The following HTT variants were observed in gnomAD, a reference collection of about 807,000 sequenced individuals.
HTT encodes the protein huntingtin, also known as huntington disease protein.
HTT carries 104 observed loss-of-function variants against 362.3 expected under a neutral mutation model. That is an observed-to-expected ratio of 0.29 (90% CI 0.24 to 0.34). The LOEUF (loss-of-function observed/expected upper bound fraction) is 0.34. Among genes scored for constraint, HTT ranks in the 10% least tolerant of loss-of-function variants. The pLI is 1.00. For synonymous variants in HTT, 1,577 were observed against 1,548.7 expected, an observed-to-expected ratio of 1.02 and a Z score of -0.43; for missense variants, 3,301 against 3,928.6, an observed-to-expected ratio of 0.84 and a Z score of 4.27.
intron 1 of HTT, among the ~76,000 whole-genome samples, chr4:3,078,694 G>A (rs1409018475): frequency 6.6e-6 from 1 of 151,538 alleles, no homozygotes; most frequent in Non-Finnish European, 1.5e-5. Flanking sequence ...TCAGCCTCCT[G>A]TTTAGCTGGG....
At chr4:3,096,426 A>G (rs1020480758) in intron 2 of HTT, among the ~76,000 whole-genome samples, 3 of 152,260 alleles carry the variant, frequency 2.0e-5, no homozygotes, top group African/African-American at 7.2e-5. Flanking sequence ...ACACTCTCTC[A>G]AGTGCTCACA....
intron 18 of HTT, 96 bp downstream of exon 18, chr4:3,133,007 C>T (rs1715896070): frequency 3.3e-6 from 3 of 922,518 alleles, no homozygotes; most frequent in Non-Finnish European, 5.4e-6. Context: ...TATTTCCATG[C>T]ACTCTAAAGC....
intron 51 of HTT, among the ~76,000 whole-genome samples, chr4:3,216,324 G>C (rs937822351): frequency 6.6e-6 from 1 of 152,116 alleles, no homozygotes; most frequent in African/African-American, 2.4e-5. Flanking sequence ...ATGATTTCTT[G>C]TTGCTACCTA....
Position 3,115,346 on chromosome 4 carries a change from C to T in HTT, c.790C>T (p.Pro264Ser), listed in dbSNP as rs1714964151. Residue 264 changes from proline (P) to serine (S), a missense_variant, in exon 7 of 67, where the codon CCC becomes TCC. Around this residue, in one of 4 missense-constraint regions of HTT, gnomAD observed 2,316 missense variants for 2,658.5 expected, o/e 0.87. Coordinates refer to ENST00000355072, the MANE Select transcript of HTT (RefSeq NM_001388492.1). ...AFIANLKSSSPTIRRTAAGSA... is the reference protein window; with the variant it reads ...AFIANLKSSSSTIRRTAAGSA... Reference sequence around the variant, plus strand: ...CATAGCGAACCTGAAGTCAAGCTCCCCCACCATTCGGCGGACAGCGGCTGG... The same window carrying T: ...CATAGCGAACCTGAAGTCAAGCTCCTCCACCATTCGGCGGACAGCGGCTGG... 1 of 1,614,012 alleles carries T rather than the reference C, an allele frequency of 6.2e-7. No homozygotes were observed. Among genetic ancestry groups the T allele is most frequent in the African/African-American group, 1.3e-5 (1 of 74,928 alleles).
At chr4:3,090,480 G>A (rs1435982150) in intron 2 of HTT, among the ~76,000 whole-genome samples, 1 of 152,148 alleles carries the variant, frequency 6.6e-6, no homozygotes, top group African/African-American at 2.4e-5. Context: ...CCTTGATAAG[G>A]TGGCTAGGTA....
chr4:3,127,230 G>A (rs371483965), intron 11 of HTT, 34 bp from the exon 12 acceptor site: 105 of 1,505,196 alleles, frequency 7.0e-5, no homozygotes, highest in Non-Finnish European at 9.3e-5. Flanking sequence ...GTTTTCTCTC[G>A]CCATTTGACA....
At chr4:3,148,292 C>A in intron 26 of HTT, 85 bp downstream of exon 26, 2 of 992,656 alleles carry the variant, frequency 2.0e-6, no homozygotes, top group Non-Finnish European at 2.9e-6. Flanking sequence ...TCTGTCCCTT[C>A]TTTATTCTCT....
intron 29 of HTT, among the ~76,000 whole-genome samples, chr4:3,161,690 T>C (rs1399162711): frequency 6.6e-6 from 1 of 152,230 alleles, no homozygotes; most frequent in East Asian, 1.9e-4. Flanking sequence ...GAGCATTTTT[T>C]CGTATGTCTG....
At position 3,218,357 on chromosome 4, in the gene HTT, GC is replaced by G. The variant is rs1241794028; in HGVS notation, c.7242+406del. 2.9e-4 allele frequency among the ~76,000 whole-genome samples: 44 copies of G among 152,198 alleles called. No homozygotes were observed. Among genetic ancestry groups the G allele is most frequent in the African/African-American group, 4.8e-5 (2 of 41,456 alleles). On this transcript the variant is annotated intron_variant, in intron 52 of 66. Transcript: ENST00000355072. The surrounding 1 kb of genome is among the most constrained non-coding windows in gnomAD (Gnocchi z 4.4). Reference sequence around the variant, plus strand: ...GGTTTAAAGTAGGTGTTATTGCCAGGCGCAGTAGCTCATGCCTGTAATCCCA... The same window carrying G: ...GGTTTAAAGTAGGTGTTATTGCCAGGGCAGTAGCTCATGCCTGTAATCCCA...
At chr4:3,142,278 C>T (rs1716385903) in intron 22 of HTT, among the ~76,000 whole-genome samples, 1 of 152,110 alleles carries the variant, frequency 6.6e-6, no homozygotes, top group Non-Finnish European at 1.5e-5. Flanking sequence ...ATCAGATTGG[C>T]TTTATTCAAA....
chr4:3,232,526 G>C (rs1721305848), intron 60 of HTT, among the ~76,000 whole-genome samples: 1 of 152,220 alleles, frequency 6.6e-6, no homozygotes, highest in Non-Finnish European at 1.5e-5. Flanking sequence ...AAGTGAAATT[G>C]AGGCCATTTT....
chr4:3,212,850 T>C, intron 49 of HTT, 141 bp downstream of exon 49: 1 of 853,118 alleles, frequency 1.2e-6, no homozygotes, highest in Non-Finnish European at 1.8e-6. Flanking sequence ...GCAGTAAGTC[T>C]TGTCACCGTC....
At chr4:3,151,346 GAGAA>G in intron 26 of HTT, among the ~76,000 whole-genome samples, 2 of 152,148 alleles carry the variant, frequency 1.3e-5, no homozygotes, top group East Asian at 3.9e-4. Context: ...AGGAAAAAGA[GAGAA>G]GGAGAGAGAG....
At chr4:3,179,588 C>CGT (rs141558841) in intron 35 of HTT, among the ~76,000 whole-genome samples, 68 of 144,414 alleles carry the variant, frequency 4.7e-4, no homozygotes, top group African/African-American at 1.5e-3. Flanking sequence ...GGGTGCCTCG[C>CGT]GTGTGTGTGT....
chr4:3,228,059 G>A lies in HTT; in HGVS notation c.7849-556G>A, dbSNP rs1030395049. Among the ~76,000 whole-genome samples, 2 of 152,310 alleles carry A rather than the reference G, an allele frequency of 1.3e-5. No individual in the cohort carries two copies. The highest frequency in any genetic ancestry group is 2.4e-5 in the African/African-American group (1 of 41,570). On this transcript the variant is annotated intron_variant, in intron 57 of 66. Coordinates refer to ENST00000355072, the MANE Select transcript of HTT (RefSeq NM_001388492.1). This position sits in a 1 kb window ranked among gnomAD's most constrained non-coding sequence, Gnocchi z 4.3. Reference sequence around the variant, plus strand: ...GTGAGTTGGGGCTAGTGCCAGTGATGATGGAGAACAGCTTTTTATGGGCAC... The same window carrying A: ...GTGAGTTGGGGCTAGTGCCAGTGATAATGGAGAACAGCTTTTTATGGGCAC...
At chr4:3,237,365 C>A (rs777779158) in intron 64 of HTT, among the ~76,000 whole-genome samples, 9 of 152,212 alleles carry the variant, frequency 5.9e-5, no homozygotes, top group Non-Finnish European at 1.2e-4. Context: ...TGAGCCACTG[C>A]GCCCGGCCCC....
intron 41 of HTT, among the ~76,000 whole-genome samples, chr4:3,202,824 C>A (rs770296836): frequency 6.6e-6 from 1 of 152,078 alleles, no homozygotes; most frequent in Non-Finnish European, 1.5e-5. Context: ...CTAGCCTGGG[C>A]TGCCTAGCAA....
chr4:3,127,658 A>T, intron 12 of HTT, 54 bp downstream of exon 12: 30 of 1,337,482 alleles, frequency 2.2e-5, no homozygotes, highest in Non-Finnish European at 2.9e-5. Flanking sequence ...TTTGAGACAG[A>T]GTCTCACTCC....
chr4:3,177,290 T>G lies in HTT; in HGVS notation c.4408-42T>G, dbSNP rs759676097. 1.0e-5 allele frequency: 14 copies of G among 1,363,534 alleles called. No individual in the cohort carries two copies. In the South Asian group the frequency reaches 1.5e-4, roughly 14 times the overall value. 84.5% of individuals were successfully genotyped at this position (1,363,534 alleles called of 1,614,324 possible). On this transcript the variant is annotated intron_variant, in intron 33 of 66. Coordinates refer to ENST00000355072, the MANE Select transcript of HTT (RefSeq NM_001388492.1). ...GAAAAGAAGCCTGGTTTTTACATTTTAATCCTATTATTGATGTGAAATTTT... is the reference window on the plus strand; with the variant it reads ...GAAAAGAAGCCTGGTTTTTACATTTGAATCCTATTATTGATGTGAAATTTT...
Sources: gnomAD v4.1 joint callset for allele counts (sites outside exome capture counted in the v4.1 genomes callset) on GRCh38, gnomAD v4.1.1 for gene constraint, gnomAD v4.1.1 regional missense constraint, Gnocchi (gnomAD v3.1) non-coding constraint, MANE v1.5 for transcripts, NCBI Gene and HGNC (gene_info 2026-07-23, HGNC 2026-07-21) for gene names.